Variants in SAMTOR observed in about 807,000 individuals in gnomAD.
The protein encoded by SAMTOR is UPF0532 protein C7orf60.
the SAMTOR span, among the ~76,000 whole-genome samples, chr7:112,887,780 T>C: frequency 1.3e-5 from 2 of 152,164 alleles, no homozygotes; most frequent in African/African-American, 4.8e-5. Context: ...ATGGAATCAG[T>C]AATGGTGGGC....
the SAMTOR span, among the ~76,000 whole-genome samples, chr7:112,886,861 T>A: frequency 6.6e-6 from 1 of 152,180 alleles, no homozygotes. Flanking sequence ...AATTATTGGA[T>A]GTTTTCTTTA....
the SAMTOR span, among the ~76,000 whole-genome samples, chr7:112,864,671 C>A: frequency 6.6e-6 from 1 of 152,168 alleles, no homozygotes; most frequent in Non-Finnish European, 1.5e-5. Flanking sequence ...ACACAGGTAA[C>A]AATATTTCTT....
At chr7:112,887,548 T>C in the SAMTOR span, among the ~76,000 whole-genome samples, 1 of 152,164 alleles carries the variant, frequency 6.6e-6, no homozygotes, top group African/African-American at 2.4e-5. Flanking sequence ...GTCTGGTATA[T>C]TTCACCAGTG....
chr7:112,840,954 T>G, the SAMTOR span, among the ~76,000 whole-genome samples: 1 of 152,076 alleles, frequency 6.6e-6, no homozygotes, highest in Admixed American at 6.6e-5. Context: ...GAGCTATTTA[T>G]GACAAACCCA....
chr7:112,902,584 T>C, the SAMTOR span, among the ~76,000 whole-genome samples: 2 of 151,880 alleles, frequency 1.3e-5, no homozygotes, highest in Admixed American at 6.6e-5. Flanking sequence ...TCAAAAACCA[T>C]AGAATGTACA....
chr7:112,919,649 T>C, the SAMTOR span, among the ~76,000 whole-genome samples: 2 of 152,048 alleles, frequency 1.3e-5, 1 homozygote, highest in South Asian at 4.1e-4. Flanking sequence ...AAAAAATTAA[T>C]GAATCCAGGA....
At chr7:112,917,167 C>T in the SAMTOR span, among the ~76,000 whole-genome samples, 1 of 152,226 alleles carries the variant, frequency 6.6e-6, no homozygotes, top group Non-Finnish European at 1.5e-5. Flanking sequence ...GTCCCTGACC[C>T]CTGACCCCCG....
At chr7:112,829,726 G>A in the SAMTOR span, among the ~76,000 whole-genome samples, 3 of 152,100 alleles carry the variant, frequency 2.0e-5, no homozygotes, top group Admixed American at 6.6e-5. Flanking sequence ...TTGTTACATG[G>A]GACTAGAGCA....
the SAMTOR span, among the ~76,000 whole-genome samples, chr7:112,825,362 C>A: frequency 6.6e-6 from 1 of 152,184 alleles, no homozygotes; most frequent in African/African-American, 2.4e-5. Context: ...TTGTGGTTTG[C>A]AGCATGTGGA....
the SAMTOR span, among the ~76,000 whole-genome samples, chr7:112,893,175 C>G: frequency 6.6e-6 from 1 of 152,170 alleles, no homozygotes. Flanking sequence ...GGCTGCCTGT[C>G]CTCTGAAGCT....
chr7:112,846,657 T>C, the SAMTOR span, among the ~76,000 whole-genome samples: 1 of 152,184 alleles, frequency 6.6e-6, no homozygotes, highest in Non-Finnish European at 1.5e-5. Flanking sequence ...AGCAACTTTC[T>C]AGGGAACCTA....
chr7:112,902,122 G>C, the SAMTOR span, among the ~76,000 whole-genome samples: 1 of 151,934 alleles, frequency 6.6e-6, no homozygotes, highest in South Asian at 2.1e-4. Context: ...GTGGTTGCAG[G>C]CCGGGCGTGG....
the SAMTOR span, among the ~76,000 whole-genome samples, chr7:112,905,016 TCTAA>T: frequency 6.6e-6 from 1 of 152,136 alleles, no homozygotes; most frequent in Admixed American, 6.5e-5. Context: ...CCAACCGCTA[TCTAA>T]CTTTTACACA....
chr7:112,890,239 T>G, the SAMTOR span, among the ~76,000 whole-genome samples: 2 of 152,152 alleles, frequency 1.3e-5, no homozygotes, highest in Non-Finnish European at 2.9e-5. Flanking sequence ...CGCACTCTAC[T>G]GGAAGAGGGT....
the SAMTOR span, among the ~76,000 whole-genome samples, chr7:112,911,067 A>G: frequency 1.3e-5 from 2 of 152,106 alleles, no homozygotes; most frequent in African/African-American, 4.8e-5. Flanking sequence ...CAGGGTAGAA[A>G]TACTCTGCTG....
the SAMTOR span, among the ~76,000 whole-genome samples, chr7:112,916,384 T>C: frequency 6.6e-6 from 1 of 152,190 alleles, no homozygotes; most frequent in South Asian, 2.1e-4. Flanking sequence ...AGGAGTTAGG[T>C]TCTTACACCC....
At chr7:112,863,074 A>G in the SAMTOR span, among the ~76,000 whole-genome samples, 1 of 152,130 alleles carries the variant, frequency 6.6e-6, no homozygotes, top group African/African-American at 2.4e-5. Flanking sequence ...CACTGGTTTA[A>G]AAAAATACAT....
the SAMTOR span, among the ~76,000 whole-genome samples, chr7:112,880,852 G>A: frequency 6.6e-6 from 1 of 152,206 alleles, no homozygotes; most frequent in Non-Finnish European, 1.5e-5. Context: ...GGCAGCGGTA[G>A]CCTGTCTGGA....
the SAMTOR span, among the ~76,000 whole-genome samples, chr7:112,925,537 T>A: frequency 6.6e-6 from 1 of 152,208 alleles, no homozygotes; most frequent in Non-Finnish European, 1.5e-5. Context: ...CTCTTGCCTG[T>A]AATCCCAGCA....
Sources: allele counts gnomAD v4.1 joint callset (sites outside exome capture counted in the v4.1 genomes callset), GRCh38; gene constraint gnomAD v4.1.1; transcripts MANE v1.5; gene names NCBI Gene and HGNC (gene_info 2026-07-23, HGNC 2026-07-21).